The following SNX9 variants were observed in gnomAD, a reference collection of about 807,000 sequenced individuals.
SNX9 encodes the protein sorting nexin-9.
SNX9 carries 44 observed loss-of-function variants against 89.4 expected under a neutral mutation model. The ratio of observed to expected loss-of-function variants is 0.49; its 90% CI spans 0.39 to 0.63. The LOEUF is 0.63. SNX9 is among the 30% of genes least tolerant of loss of function. The probability of loss-of-function intolerance (pLI) is 0.00; values close to 1 mark genes in which losing one functional copy is unlikely to be tolerated. For synonymous variants in SNX9, 236 were observed against 247.8 expected (o/e 0.95, Z 0.45); for missense variants, 578 against 736.1 (o/e 0.79, Z 2.49).
rs1782493493 is a variant in SNX9 at position 157,875,159 on chromosome 6, G to A, written c.283G>A (p.Ala95Thr). Reference sequence around the variant, plus strand: ...CACAGCTCAGGCCAGTTCGTCGGCTGCCAGCAACAATCACCAGGTACGTCT... The same window carrying A: ...CACAGCTCAGGCCAGTTCGTCGGCTACCAGCAACAATCACCAGGTACGTCT... ...ASTAQASSSA[A>T]SNNHQVGSGN... Residue 95 changes from alanine to threonine, a missense_variant, in exon 4 of 18, where the codon GCC (alanine) becomes ACC (threonine). This residue lies in a region of SNX9 where 230 missense variants were observed against 244.7 expected (regional missense o/e 0.94). Transcript: ENST00000392185. The A allele has an allele frequency of 1.2e-6, 2 of 1,608,144 alleles. No individual in the cohort carries two copies. The highest frequency in any genetic ancestry group is 1.1e-5 in the South Asian group (1 of 89,684).
intron 10 of SNX9, among the ~76,000 whole-genome samples, chr6:157,922,352 C>G (rs1326555125): frequency 6.6e-6 from 1 of 152,240 alleles, no homozygotes; most frequent in African/African-American, 2.4e-5. Flanking sequence ...TCAACAAATA[C>G]TGCATCTCTC....
chr6:157,855,928 T>C (rs534941702), intron 1 of SNX9, among the ~76,000 whole-genome samples: 2 of 152,308 alleles, frequency 1.3e-5, no homozygotes, highest in East Asian at 3.9e-4. Flanking sequence ...TTTGTATTTT[T>C]AGTAGAGACA....
rs146281355 is a variant in SNX9, at chr6:157,831,239, C to G, written c.12+7793C>G. 2.0e-5 allele frequency among the ~76,000 whole-genome samples: 3 copies of G among 152,236 alleles called. No homozygotes were observed. In the East Asian group the frequency reaches 5.8e-4, roughly 29 times the overall value. On this transcript the variant is annotated intron_variant, in intron 1 of 17. Coordinates refer to ENST00000392185, the MANE Select transcript of SNX9 (RefSeq NM_016224.5). Reference sequence around the variant, plus strand: ...TTTGATTTGATTTTTCCTTGAGTTGCTTGTTTTCCTTGGAACTTCCTCTGT... The same window carrying G: ...TTTGATTTGATTTTTCCTTGAGTTGGTTGTTTTCCTTGGAACTTCCTCTGT...
At chr6:157,889,408 G>A (rs918565967) in intron 4 of SNX9, among the ~76,000 whole-genome samples, 1 of 145,734 alleles carries the variant, frequency 6.9e-6, no homozygotes, top group Admixed American at 6.9e-5. Context: ...TCCAGCCTGG[G>A]TGACAGAGCA....
rs79738841 is a variant in SNX9 at position 157,876,745 on chromosome 6, A to C, written c.300+1569A>C. ...AGTTTTCCCAGGGGTTCTCAACCTG[A>C]GCCTCATTGCCGTTTGAGGCCCCGC... is the stretch of plus-strand genomic sequence containing the variant. On this transcript the variant is annotated intron_variant, in intron 4 of 17. Coordinates refer to ENST00000392185, the MANE Select transcript of SNX9 (RefSeq NM_016224.5). 5.4e-3 allele frequency among the ~76,000 whole-genome samples: 816 copies of C among 152,342 alleles called. 7 individuals carry two copies. The highest frequency in any genetic ancestry group is 0.019 in the African/African-American group (780 of 41,586).
chr6:157,826,993 A>T (rs1193395036), intron 1 of SNX9, among the ~76,000 whole-genome samples: 17 of 43,872 alleles, frequency 3.9e-4, no homozygotes, highest in Non-Finnish European at 5.2e-4. Context: ...AGTTTATATA[A>T]TATATACATA....
At chr6:157,862,125 A>G (rs1364063523) in intron 1 of SNX9, among the ~76,000 whole-genome samples, 2 of 152,170 alleles carry the variant, frequency 1.3e-5, no homozygotes, top group Admixed American at 1.3e-4. Context: ...TTCCAACTGC[A>G]TTTGATAGCA....
At chr6:157,873,200 C>T (rs916383174) in intron 3 of SNX9, 24 bp downstream of exon 3, 1 of 1,520,510 alleles carries the variant, frequency 6.6e-7, no homozygotes, top group Non-Finnish European at 8.9e-7. Context: ...GTCATTCATT[C>T]ATTAGAGCTC....
At position 157,823,540 on chromosome 6, in the gene SNX9, G is replaced by T; in HGVS notation, c.12+94G>T. On this transcript the variant is annotated intron_variant, in intron 1 of 17. Transcript: ENST00000392185. The surrounding 1 kb of genome is among the most constrained non-coding windows in gnomAD (Gnocchi z 4.6). The stretch of plus-strand genomic sequence containing the variant: ...GGGGCCGCGGGGAGGGTCGGGGCCA[G>T]GGGTGGTCGAGGGGCCACTCCGCTT... 1.8e-6 allele frequency: 2 copies of T among 1,087,358 alleles called. No individual in the cohort carries two copies. Among genetic ancestry groups the T allele is most frequent in the Non-Finnish European group, 1.1e-6 (1 of 878,396 alleles). The allele number at this position is 1,087,358 out of a possible 1,614,324, so 67.4% of individuals were successfully genotyped here.
chr6:157,901,075 A>C (rs917777355), intron 5 of SNX9, among the ~76,000 whole-genome samples: 1 of 152,108 alleles, frequency 6.6e-6, no homozygotes, highest in African/African-American at 2.4e-5. Context: ...CTGGGATAGG[A>C]ATCTTGGTGA....
chr6:157,918,810 TG>T (rs1260925875), intron 9 of SNX9, among the ~76,000 whole-genome samples: 1 of 152,116 alleles, frequency 6.6e-6, no homozygotes, highest in Non-Finnish European at 1.5e-5. Flanking sequence ...AACATCACAG[TG>T]CACTTTAGAT....
At chr6:157,941,303 AG>A (rs1326087689) in intron 17 of SNX9, among the ~76,000 whole-genome samples, 1 of 152,054 alleles carries the variant, frequency 6.6e-6, no homozygotes, top group Non-Finnish European at 1.5e-5. Context: ...GAATGAGATG[AG>A]GTCACCCAGC....
intron 4 of SNX9, among the ~76,000 whole-genome samples, chr6:157,889,444 A>AC (rs984558848): frequency 2.0e-5 from 3 of 151,750 alleles, no homozygotes; most frequent in African/African-American, 7.3e-5. Flanking sequence ...AAAAAAAAAA[A>AC]AAAAAAAGAC....
chr6:157,896,800 T>C (rs1782985664), intron 4 of SNX9, 27 bp from the exon 5 acceptor site: 1 of 1,611,650 alleles, frequency 6.2e-7, no homozygotes, highest in South Asian at 1.1e-5. Context: ...TCACAAAAAT[T>C]CTCCTTCTTT....
chr6:157,906,282 G>A, intron 7 of SNX9, 70 bp downstream of exon 7: 1 of 1,214,936 alleles, frequency 8.2e-7, no homozygotes, highest in South Asian at 1.4e-5. Context: ...TTAAAGCTAA[G>A]CGAGTTATTC....
At chr6:157,846,908 A>G (rs1360191910) in intron 1 of SNX9, among the ~76,000 whole-genome samples, 1 of 152,138 alleles carries the variant, frequency 6.6e-6, no homozygotes, top group Non-Finnish European at 1.5e-5. Context: ...TTTGCTGGGC[A>G]TGGTGACGTG....
chr6:157,870,337 C>T (rs1386033452), intron 2 of SNX9, among the ~76,000 whole-genome samples: 1 of 151,754 alleles, frequency 6.6e-6, no homozygotes, highest in African/African-American at 2.4e-5. Context: ...CCTGCGCTCA[C>T]ACTCACACTC....
At chr6:157,893,366 A>C (rs77279689) in intron 4 of SNX9, among the ~76,000 whole-genome samples, 1 of 152,148 alleles carries the variant, frequency 6.6e-6, no homozygotes, top group Non-Finnish European at 1.5e-5. Context: ...AAGTAACTTC[A>C]GTTTTTTCCT....
At chr6:157,904,136 C>T (rs1298691622) in intron 6 of SNX9, among the ~76,000 whole-genome samples, 1 of 152,040 alleles carries the variant, frequency 6.6e-6, no homozygotes, top group Non-Finnish European at 1.5e-5. Flanking sequence ...TACTTGAGCA[C>T]TATAAGAATT....
Sources: gnomAD v4.1 joint callset for allele counts (sites outside exome capture counted in the v4.1 genomes callset) on GRCh38, gnomAD v4.1.1 for gene constraint, gnomAD v4.1.1 regional missense constraint, Gnocchi (gnomAD v3.1) non-coding constraint, MANE v1.5 for transcripts, NCBI Gene and HGNC (gene_info 2026-07-23, HGNC 2026-07-21) for gene names.